TENM2: variants seen among roughly 807,000 people sequenced by gnomAD.
TENM2 encodes teneurin-2.
In TENM2, 52 loss-of-function variants were observed where a neutral mutation model predicts 245.2. That is an observed-to-expected ratio of 0.21 (90% CI 0.17 to 0.27). The LOEUF (loss-of-function observed/expected upper bound fraction) is 0.27, where lower values mean the gene tolerates loss of function less well. Ranked by LOEUF, TENM2 falls within the 10% of genes least tolerant of loss-of-function variation. TENM2 has a pLI of 1.00. For synonymous variants in TENM2, 1,363 were observed against 1,438.9 expected, an observed-to-expected ratio of 0.95 and a Z score of 1.19; for missense variants, 3,046 against 3,666.8, an observed-to-expected ratio of 0.83 and a Z score of 4.37.
chr5:167,073,566 T>C, the TENM2 span, among the ~76,000 whole-genome samples: 8 of 152,286 alleles, frequency 5.3e-5, 1 homozygote, highest in Admixed American at 3.9e-4. Context: ...CCCAACCCAA[T>C]TGAATGACTT....
chr5:167,548,039 C>T (rs1340436669), intron 2 of TENM2, among the ~76,000 whole-genome samples: 1 of 152,144 alleles, frequency 6.6e-6, no homozygotes, highest in Non-Finnish European at 1.5e-5. Context: ...TTCATCGATT[C>T]TTGATTTTTA....
chr5:167,763,492 A>G (rs562030678), intron 2 of TENM2, among the ~76,000 whole-genome samples: 1 of 152,292 alleles, frequency 6.6e-6, no homozygotes, highest in African/African-American at 2.4e-5. Context: ...AGATTGTATT[A>G]TTAGTAGTGT....
At chr5:167,931,567 A>C (rs553969242) in intron 3 of TENM2, among the ~76,000 whole-genome samples, 22 of 151,094 alleles carry the variant, frequency 1.5e-4, no homozygotes, top group African/African-American at 4.9e-4. Flanking sequence ...AAAAAAAAAA[A>C]AAAACAAGAA....
chr5:167,208,233 C>G, the TENM2 span, among the ~76,000 whole-genome samples: 1 of 152,194 alleles, frequency 6.6e-6, no homozygotes, highest in Non-Finnish European at 1.5e-5. Flanking sequence ...CCTTGCCAGG[C>G]ATTTCATGTT....
At chr5:167,239,545 G>A in the TENM2 span, among the ~76,000 whole-genome samples, 1 of 152,218 alleles carries the variant, frequency 6.6e-6, no homozygotes, top group African/African-American at 2.4e-5. Context: ...TCGGAACTGG[G>A]TACCTATGTT....
chr5:167,842,707 G>A (rs1583162947), intron 2 of TENM2, among the ~76,000 whole-genome samples: 1 of 151,660 alleles, frequency 6.6e-6, no homozygotes, highest in African/African-American at 2.4e-5. Context: ...CCCCATTCAA[G>A]GTTGCCATTA....
At chr5:167,921,500 A>G (rs972746270) in intron 3 of TENM2, among the ~76,000 whole-genome samples, 8 of 152,198 alleles carry the variant, frequency 5.3e-5, no homozygotes, top group African/African-American at 1.7e-4. Context: ...ATCTAGGTCC[A>G]TGTTTCTCAA....
chr5:168,229,572 G>A (rs1562310129), intron 25 of TENM2: 1 of 151,972 alleles, frequency 6.6e-6, no homozygotes, highest in African/African-American at 2.4e-5. Flanking sequence ...ACAAGCACTA[G>A]GAAGTCAGTA....
chr5:167,876,305 A>G (rs1773421831), intron 3 of TENM2, 110 bp downstream of exon 5: 2 of 905,228 alleles, frequency 2.2e-6, no homozygotes, highest in African/African-American at 1.6e-5. Context: ...TGGTGTGGGG[A>G]GCATCAGGGT....
At chr5:167,097,251 T>C in the TENM2 span, among the ~76,000 whole-genome samples, 2 of 152,246 alleles carry the variant, frequency 1.3e-5, no homozygotes, top group East Asian at 1.9e-4. Flanking sequence ...GGTTGATGTG[T>C]TAAAAATTCA....
the TENM2 span, among the ~76,000 whole-genome samples, chr5:167,151,281 A>G: frequency 5.3e-5 from 8 of 152,146 alleles, no homozygotes; most frequent in African/African-American, 1.9e-4. Context: ...AAGTTTTATG[A>G]ACATGCCAAC....
At chr5:167,726,803 T>G (rs182756817) in intron 2 of TENM2, among the ~76,000 whole-genome samples, 52 of 152,302 alleles carry the variant, frequency 3.4e-4, no homozygotes, top group African/African-American at 1.1e-3. Context: ...TCTGGAAATC[T>G]ATGCCCAAAC....
intron 6 of TENM2, 27 bp from the exon 9 acceptor site, chr5:168,062,033 G>C: frequency 1.9e-6 from 3 of 1,557,000 alleles, no homozygotes; most frequent in Non-Finnish European, 2.6e-6. Flanking sequence ...GTCATTGACT[G>C]CTGTTTATTC....
chr5:167,357,591 A>G (rs973784681), intron 1 of TENM2, among the ~76,000 whole-genome samples: 1 of 152,134 alleles, frequency 6.6e-6, no homozygotes, highest in African/African-American at 2.4e-5. Flanking sequence ...GTGTTTCCAC[A>G]TTGCATTTCA....
intron 2 of TENM2, among the ~76,000 whole-genome samples, chr5:167,682,640 C>A (rs112260298): frequency 1.4e-4 from 21 of 152,144 alleles, no homozygotes; most frequent in Admixed American, 5.2e-4. Context: ...TATGGAGATT[C>A]TTTGTTAACC....
chr5:167,916,547 T>C (rs913691749), intron 3 of TENM2, among the ~76,000 whole-genome samples: 7 of 152,104 alleles, frequency 4.6e-5, no homozygotes, highest in East Asian at 3.9e-4. Context: ...GTTATACTCT[T>C]AGCAACATTC....
chr5:168,062,302 A>AT (rs752575444), intron 7 of TENM2, 37 bp downstream of exon 9: 1 of 1,550,826 alleles, frequency 6.4e-7, no homozygotes, highest in Non-Finnish European at 8.9e-7. Context: ...CATTTAAAAA[A>AT]ATATATACGT....
intron 2 of TENM2, among the ~76,000 whole-genome samples, chr5:167,384,548 A>G (rs1455673156): frequency 1.3e-5 from 2 of 152,204 alleles, no homozygotes. Context: ...GATGTGTAGC[A>G]ATCAGATGAC....
intron 2 of TENM2, among the ~76,000 whole-genome samples, chr5:167,577,915 G>T (rs1774821785): frequency 1.3e-5 from 2 of 152,204 alleles, no homozygotes; most frequent in African/African-American, 2.4e-5. Context: ...GGGGAGAAAA[G>T]GTCGCTGCAG....
Sources: allele counts gnomAD v4.1 joint callset (sites outside exome capture counted in the v4.1 genomes callset), GRCh38; gene constraint gnomAD v4.1.1; transcripts MANE v1.5; gene names NCBI Gene and HGNC (gene_info 2026-07-23, HGNC 2026-07-21).